ANK2: variants seen among roughly 807,000 people sequenced by gnomAD.
ANK2 encodes ankyrin-2.
ANK2 carries 83 observed loss-of-function variants against 360.5 expected under a neutral mutation model. That is an observed-to-expected ratio of 0.23 (90% CI 0.19 to 0.28). The LOEUF is 0.28. Among genes scored for constraint, ANK2 ranks in the 10% least tolerant of loss-of-function variants. ANK2 has a pLI of 1.00. For missense variants in ANK2, 4,201 were observed against 4,795.7 expected, an observed-to-expected ratio of 0.88 and a Z score of 3.66; for synonymous variants, 1,740 against 1,759.5, an observed-to-expected ratio of 0.99 and a Z score of 0.28.
intron 16 of ANK2, 67 bp from the exon 17 acceptor site, chr4:113,278,393 A>C: frequency 7.4e-7 from 1 of 1,349,044 alleles, no homozygotes; most frequent in Non-Finnish European, 1.1e-6. Context: ...GTTTCCAGGC[A>C]TCCTGGTAGC....
chr4:113,134,078 AACC>A (rs1241016323), intron 1 of ANK2, among the ~76,000 whole-genome samples: 1 of 152,108 alleles, frequency 6.6e-6, no homozygotes, highest in Non-Finnish European at 1.5e-5. Context: ...CAAGTGCTGA[AACC>A]ATCTATACTA....
At chr4:112,710,749 G>T in the ANK2 span, among the ~76,000 whole-genome samples, 3 of 151,388 alleles carry the variant, frequency 2.0e-5, no homozygotes, top group South Asian at 4.2e-4. Context: ...TTCTCTAAAA[G>T]AACATTTTTC....
chr4:113,295,642 G>A (rs183659536), intron 22 of ANK2, among the ~76,000 whole-genome samples: 138 of 152,010 alleles, frequency 9.1e-4, no homozygotes, highest in Middle Eastern at 6.8e-3. Flanking sequence ...ATCAAAAGTC[G>A]CTATACTTAG....
chr4:112,918,402 G>GA (rs1427409139), intron 2 of ANK2, among the ~76,000 whole-genome samples: 2 of 150,656 alleles, frequency 1.3e-5, no homozygotes, highest in Admixed American at 6.6e-5. Context: ...TTCATTTAGT[G>GA]AAAAAAAAAG....
At chr4:113,168,873 G>T (rs552517351) in intron 1 of ANK2, among the ~76,000 whole-genome samples, 1 of 152,278 alleles carries the variant, frequency 6.6e-6, no homozygotes, top group Admixed American at 6.5e-5. Context: ...GTAGGTACAA[G>T]CATTCAGATA....
intron 1 of ANK2, among the ~76,000 whole-genome samples, chr4:112,822,839 T>C (rs1277993243): frequency 6.6e-6 from 1 of 151,782 alleles, no homozygotes; most frequent in Non-Finnish European, 1.5e-5. Flanking sequence ...ATTTTTTCCC[T>C]GTTGAGATCA....
upstream of ANK2, among the ~76,000 whole-genome samples, chr4:112,814,387 G>T (rs919171540): frequency 6.6e-6 from 1 of 152,096 alleles, no homozygotes; most frequent in African/African-American, 2.4e-5. Flanking sequence ...TAGAGGCCAT[G>T]ATGAGGAGTT....
intron 41 of ANK2, 111 bp from the exon 42 acceptor site, chr4:113,367,455 T>G: frequency 1.0e-6 from 1 of 999,046 alleles, no homozygotes; most frequent in Non-Finnish European, 1.5e-6. Context: ...CATCTCAGGA[T>G]GTAGCACATT....
chr4:112,726,271 C>T, the ANK2 span, among the ~76,000 whole-genome samples: 7 of 152,072 alleles, frequency 4.6e-5, no homozygotes, highest in African/African-American at 2.4e-5. Flanking sequence ...GATCATGTTT[C>T]GAGTTATGCC....
At chr4:113,148,889 C>T (rs2096932941) in intron 1 of ANK2, among the ~76,000 whole-genome samples, 1 of 152,180 alleles carries the variant, frequency 6.6e-6, no homozygotes. Context: ...ATGGGCCTAC[C>T]TTGGCAAAAG....
intron 1 of ANK2, among the ~76,000 whole-genome samples, chr4:113,084,737 C>T (rs889551829): frequency 1.3e-5 from 2 of 152,184 alleles, no homozygotes; most frequent in African/African-American, 2.4e-5. Flanking sequence ...TCTGAACATA[C>T]GTGCAACACA....
At chr4:113,138,133 C>A (rs374183138) in intron 1 of ANK2, among the ~76,000 whole-genome samples, 4 of 152,036 alleles carry the variant, frequency 2.6e-5, no homozygotes, top group Non-Finnish European at 4.4e-5. Context: ...ATTCTTTATA[C>A]CTTGAAGTGT....
intron 26 of ANK2, among the ~76,000 whole-genome samples, chr4:113,319,143 GTCAGGTTC>G (rs2084593097): frequency 1.3e-5 from 2 of 152,132 alleles, no homozygotes; most frequent in Admixed American, 1.3e-4. Flanking sequence ...AACGCAATCA[GTCAGGTTC>G]TCAGTTATCT....
chr4:112,961,184 A>G (rs888455201), intron 2 of ANK2, among the ~76,000 whole-genome samples: 1 of 152,124 alleles, frequency 6.6e-6, no homozygotes, highest in South Asian at 2.1e-4. Context: ...CCGGGTGGAC[A>G]GCCTATAGAA....
At position 113,119,620 on chromosome 4, in the gene ANK2, T is replaced by C. The variant is rs77192612; in HGVS notation, c.85-54796T>C. Among the ~76,000 whole-genome samples, 472 of 152,264 alleles carry C rather than the reference T, an allele frequency of 3.1e-3. 6 individuals are homozygous for C. The highest frequency in any genetic ancestry group is 9.6e-3 in the African/African-American group (399 of 41,560). ...TTTATTTGCTGATGCCACTTTATCATCATAAGGGAAAGCATCAGTTGTAGA... is the reference window on the plus strand; with the variant it reads ...TTTATTTGCTGATGCCACTTTATCACCATAAGGGAAAGCATCAGTTGTAGA... On this transcript the variant is annotated intron_variant, in intron 1 of 45. Transcript: ENST00000357077.
intron 1 of ANK2, among the ~76,000 whole-genome samples, chr4:113,149,703 T>C (rs2096965079): frequency 2.0e-5 from 3 of 151,100 alleles, no homozygotes; most frequent in South Asian, 4.2e-4. Context: ...GGCAGGACCC[T>C]GTTTCTACAA....
chr4:113,378,725 A>C lies in ANK2; in HGVS notation c.11860-2732A>C, dbSNP rs147404080. Among the ~76,000 whole-genome samples the C allele has an allele frequency of 1.3e-3, 197 of 152,330 alleles. 1 individual carries two copies. Among genetic ancestry groups the C allele is most frequent in the African/African-American group, 4.0e-3 (168 of 41,590 alleles). On this transcript the variant is annotated intron_variant, in intron 45 of 45. Transcript: ENST00000357077. Reference sequence around the variant, plus strand: ...AACCTGGGGCTTTAATGAGTTAAGCAAGTGTCATGAAAGCAGTAAGCAGCA... The same window carrying C: ...AACCTGGGGCTTTAATGAGTTAAGCCAGTGTCATGAAAGCAGTAAGCAGCA...
intron 1 of ANK2, among the ~76,000 whole-genome samples, chr4:112,875,047 T>A (rs1440295110): frequency 2.0e-5 from 3 of 152,014 alleles, no homozygotes; most frequent in African/African-American, 7.2e-5. Flanking sequence ...TACTTTTTTT[T>A]TTTTTTTTGA....
intron 2 of ANK2, among the ~76,000 whole-genome samples, chr4:112,925,672 T>C (rs1247924657): frequency 2.0e-5 from 3 of 152,254 alleles, no homozygotes; most frequent in Admixed American, 2.0e-4. Flanking sequence ...ATAAACATTT[T>C]CTGCCTACTT....
Sources: allele counts gnomAD v4.1 joint callset (sites outside exome capture counted in the v4.1 genomes callset), GRCh38; gene constraint gnomAD v4.1.1; transcripts MANE v1.5; gene names NCBI Gene and HGNC (gene_info 2026-07-23, HGNC 2026-07-21).